The following GCM2 variants were observed in gnomAD, a reference collection of about 807,000 sequenced individuals.
GCM2 encodes chorion-specific transcription factor GCMb.
Under a neutral mutation model 24.8 loss-of-function variants are expected in GCM2, and 21 were observed. The observed-to-expected ratio is 0.85, with a 90% CI of 0.60 to 1.22. The LOEUF (loss-of-function observed/expected upper bound fraction) is 1.22. Among genes scored for constraint, GCM2 ranks in the 50% most tolerant of loss-of-function variants. The probability of loss-of-function intolerance (pLI) is 0.00; values close to 1 mark genes in which losing one functional copy is unlikely to be tolerated. For synonymous variants in GCM2, 222 were observed against 238.0 expected (o/e 0.93, Z 0.62); for missense variants, 532 against 645.6 (o/e 0.82, Z 1.91).
At chr6:10,879,404 AATCAG>A (rs1779927950) in intron 1 of GCM2, among the ~76,000 whole-genome samples, 1 of 152,176 alleles carries the variant, frequency 6.6e-6, no homozygotes, top group African/African-American at 2.4e-5. Flanking sequence ...GTATTTTTAA[AATCAG>A]TACAAGAATA....
chr6:10,878,312 G>A (rs1490581647), intron 1 of GCM2, among the ~76,000 whole-genome samples: 2 of 151,904 alleles, frequency 1.3e-5, no homozygotes, highest in Non-Finnish European at 2.9e-5. Context: ...ACCCTTTACT[G>A]AGCACTTCCT....
chr6:10,876,371 C>T, intron 3 of GCM2, 74 bp downstream of exon 3: 1 of 1,001,348 alleles, frequency 1.0e-6, no homozygotes, highest in East Asian at 2.4e-5. Context: ...GTTCCCAAGG[C>T]ACACGACAGG....
rs924141636 is a variant in GCM2 at position 10,873,529 on chromosome 6, T to G, written c.*466A>C. 5.5e-6 allele frequency: 1 copy of G among 182,354 alleles called. No individual in the cohort carries two copies. The highest frequency in any genetic ancestry group is 1.2e-4 in the South Asian group (1 of 8,552). 11.3% of individuals were successfully genotyped at this position (182,354 alleles called of 1,614,324 possible). On this transcript the variant is annotated 3_prime_UTR_variant, in exon 5 of 5. Coordinates refer to ENST00000379491, the MANE Select transcript of GCM2 (RefSeq NM_004752.4). The stretch of plus-strand genomic sequence containing the variant: ...TGAAGCTAGTTTAACAGGTTCTAAA[T>G]GCTAAACAAAAATTTCATGAAATGA...
rs1364086274 is a variant in GCM2, at chr6:10,876,473, C to T, written c.428G>A (p.Arg143Gln). 10 of 1,613,498 alleles carry T rather than the reference C, an allele frequency of 6.2e-6. No homozygotes were observed. Among genetic ancestry groups the T allele is most frequent in the East Asian group, 4.5e-5 (2 of 44,884 alleles). ...AAAAAAGATCGCGTTGCCATCAAGC[C>T]GCCAAAAGTTGGTTACGGGGTATCC... Reference protein sequence around the residue: ...HSGYPVTNFWRLDGNAIFFQA... With the variant: ...HSGYPVTNFWQLDGNAIFFQA... The change falls in exon 3 of 5, where the codon CGG becomes CAG. Residue 143 changes from arginine to glutamine, a missense_variant. Around this residue, in one of 3 missense-constraint regions of GCM2, gnomAD observed 434 missense variants for 521.9 expected, o/e 0.83. Transcript: ENST00000379491.
At chr6:10,880,537 T>C (rs1327770348) in intron 1 of GCM2, among the ~76,000 whole-genome samples, 2 of 151,576 alleles carry the variant, frequency 1.3e-5, no homozygotes, top group South Asian at 4.2e-4. Context: ...CCCCACCCCC[T>C]ACAGCCAGGA....
intron 3 of GCM2, 97 bp from the exon 4 acceptor site, chr6:10,876,113 G>A: frequency 8.1e-7 from 1 of 1,240,602 alleles, no homozygotes; most frequent in Non-Finnish European, 1.2e-6. Context: ...CATCTCAAGA[G>A]TTTAGTTTTG....
At chr6:10,880,548 C>G (rs149140574) in intron 1 of GCM2, among the ~76,000 whole-genome samples, 22 of 152,212 alleles carry the variant, frequency 1.4e-4, no homozygotes, top group Admixed American at 4.6e-4. Context: ...ACAGCCAGGA[C>G]TTCAACATCA....
At chr6:10,879,353 G>A (rs999589372) in intron 1 of GCM2, among the ~76,000 whole-genome samples, 6 of 152,168 alleles carry the variant, frequency 3.9e-5, no homozygotes, top group African/African-American at 1.4e-4. Context: ...CCTCACACGA[G>A]CTACTGAGGT....
At chr6:10,876,652 G>A (rs542497820) in intron 2 of GCM2, 95 bp from the exon 3 acceptor site, 9 of 873,410 alleles carry the variant, frequency 1.0e-5, no homozygotes, top group South Asian at 2.8e-5. Context: ...ACTCATGCTC[G>A]GGCGCGGTGG....
At chr6:10,878,616 C>T (rs1397720019) in intron 1 of GCM2, among the ~76,000 whole-genome samples, 1 of 152,182 alleles carries the variant, frequency 6.6e-6, no homozygotes, top group Admixed American at 6.5e-5. Flanking sequence ...CCATGCCCGG[C>T]CACTGAGCAC....
chr6:10,875,791 C>A, intron 4 of GCM2, 100 bp downstream of exon 4: 1 of 1,169,154 alleles, frequency 8.6e-7, no homozygotes, highest in East Asian at 2.4e-5. Context: ...GAAATCAAAC[C>A]CTTGTAATTA....
chr6:10,875,585 G>T (rs1206662305), intron 4 of GCM2, among the ~76,000 whole-genome samples: 1 of 152,140 alleles, frequency 6.6e-6, no homozygotes, highest in East Asian at 1.9e-4. Context: ...ACTTCCTGTT[G>T]GTAGGCACAT....
chr6:10,874,660 T>C lies in GCM2; in HGVS notation c.856A>G (p.Ser286Gly). 1 of 1,614,214 alleles carries C rather than the reference T, an allele frequency of 6.2e-7. No individual in the cohort carries two copies. Among genetic ancestry groups the C allele is most frequent in the Non-Finnish European group, 8.5e-7 (1 of 1,180,036 alleles). Reference protein sequence around the residue: ...ELANPGYTNSSPYPTLYKDST... With the variant: ...ELANPGYTNSGPYPTLYKDST... The stretch of plus-strand genomic sequence containing the variant: ...TCCTTATAAAGGGTGGGATATGGGC[T>C]TGAATTTGTATAACCAGGGTTTGCC... The change falls in exon 5 of 5, where the codon AGC becomes GGC. Residue 286 changes from serine to glycine, a missense_variant. Coordinates refer to ENST00000379491, the MANE Select transcript of GCM2 (RefSeq NM_004752.4).
chr6:10,876,261 G>C (rs964617302), intron 3 of GCM2, among the ~76,000 whole-genome samples, 184 bp downstream of exon 3: 2 of 152,172 alleles, frequency 1.3e-5, no homozygotes, highest in African/African-American at 4.8e-5. Flanking sequence ...GTACCTTAAA[G>C]AGCACAAAGT....
At chr6:10,876,327 C>G in intron 3 of GCM2, 118 bp downstream of exon 3, 1 of 762,636 alleles carries the variant, frequency 1.3e-6, no homozygotes, top group Non-Finnish European at 2.3e-6. Context: ...GCACCTATTT[C>G]TGGCCACTGG....
chr6:10,876,988 G>T, intron 2 of GCM2, 152 bp downstream of exon 2: 1 of 1,017,368 alleles, frequency 9.8e-7, no homozygotes, highest in Non-Finnish European at 1.5e-6. Flanking sequence ...GCTTGAACCC[G>T]GGAGGCGGAG....
At chr6:10,877,427 T>C in intron 1 of GCM2, 35 bp from the exon 2 acceptor site, 1 of 1,613,176 alleles carries the variant, frequency 6.2e-7, no homozygotes, top group African/African-American at 1.3e-5. Context: ...GGTCAGTCTA[T>C]CCAGTCCAAA....
intron 1 of GCM2, among the ~76,000 whole-genome samples, chr6:10,880,650 A>G (rs895238254): frequency 6.6e-6 from 1 of 151,708 alleles, no homozygotes; most frequent in African/African-American, 2.4e-5. Flanking sequence ...CACTTCATCC[A>G]CCCCAGTCAT....
Position 10,881,997 on chromosome 6 carries a change from T to C in GCM2, c.-204A>G. The C allele has an allele frequency of 3.4e-6, 2 of 590,540 alleles. No homozygotes were observed. The allele number at this position is 590,540 out of a possible 1,614,324, so 36.6% of individuals were successfully genotyped here. A position where few individuals can be genotyped will look rare whatever the true frequency, so the allele number is the denominator to read the frequency against. ...GGTTATGGACCCGGGCGGGGCCTTG[T>C]CCTTGGCCGCGGTGCTGAACGTTCT... On this transcript the variant is annotated 5_prime_UTR_variant, in exon 1 of 5. Transcript: ENST00000379491.
Sources: gnomAD v4.1 joint callset for allele counts (sites outside exome capture counted in the v4.1 genomes callset) on GRCh38, gnomAD v4.1.1 for gene constraint, gnomAD v4.1.1 regional missense constraint, MANE v1.5 for transcripts, NCBI Gene and HGNC (gene_info 2026-07-23, HGNC 2026-07-21) for gene names.